The following TENM1 variants were observed in gnomAD, a reference collection of about 807,000 sequenced individuals.
TENM1 encodes teneurin-1.
In TENM1, 35 loss-of-function variants were observed where a neutral mutation model predicts 174.8. The ratio of observed to expected loss-of-function variants is 0.20; its 90% CI spans 0.15 to 0.27. The LOEUF is 0.27. TENM1 is among the 10% of genes least tolerant of loss of function. TENM1 has a pLI of 1.00. For synonymous variants in TENM1, 781 were observed against 798.7 expected, an observed-to-expected ratio of 0.98 and a Z score of 0.37; for missense variants, 1,633 against 2,130.1, an observed-to-expected ratio of 0.77 and a Z score of 4.59.
exon 5 of TENM1, chrX:124,705,186 G>A: frequency 8.3e-7 from 1 of 1,210,749 alleles, no homozygotes; most frequent in Non-Finnish European, 1.1e-6. Flanking sequence ...GGATGTCAGA[G>A]GGTAGTTCTG....
At chrX:124,794,921 C>T (rs765219699) in intron 3 of TENM1, among the ~76,000 whole-genome samples, 113 of 111,234 alleles carry the variant, frequency 1.0e-3, no homozygotes, top group African/African-American at 3.4e-3. Context: ...GTCTTCCTGC[C>T]CTCACCATCC....
At chrX:124,650,366 GAC>G (rs1278680525) in intron 8 of TENM1, among the ~76,000 whole-genome samples, 1 of 111,217 alleles carries the variant, frequency 9.0e-6, no homozygotes, top group Non-Finnish European at 1.9e-5. Context: ...AAAGTAAAGA[GAC>G]TGACTTGCAT....
chrX:124,483,655 C>G (rs923642503), intron 21 of TENM1, among the ~76,000 whole-genome samples: 2 of 112,447 alleles, frequency 1.8e-5, no homozygotes, highest in African/African-American at 6.5e-5. Context: ...TATTTGTTTA[C>G]TAATTCATTA....
intron 11 of TENM1, among the ~76,000 whole-genome samples, chrX:124,613,257 T>C (rs2050319518): frequency 9.0e-6 from 1 of 111,505 alleles, no homozygotes; most frequent in Non-Finnish European, 1.9e-5. Context: ...AAACTTCCCC[T>C]GTTTTCCAGG....
chrX:125,085,403 C>T, the TENM1 span, among the ~76,000 whole-genome samples: 1 of 110,413 alleles, frequency 9.1e-6, no homozygotes, highest in South Asian at 3.8e-4. Flanking sequence ...TGATGATTTC[C>T]CCTTGGTAAT....
intron 11 of TENM1, among the ~76,000 whole-genome samples, chrX:124,606,116 G>A (rs2050150331): frequency 9.0e-6 from 1 of 111,135 alleles, no homozygotes; most frequent in African/African-American, 3.3e-5. Context: ...GCAAAGTATG[G>A]CCCACAGAGT....
chrX:125,054,327 C>A, the TENM1 span, among the ~76,000 whole-genome samples: 597 of 110,174 alleles, frequency 5.4e-3, 1 homozygote, highest in African/African-American at 0.019. Context: ...TCCCCAGCCA[C>A]GCTTTCTGTA....
chrX:124,918,031 T>A (rs1418333376), intron 1 of TENM1, among the ~76,000 whole-genome samples: 1 of 112,047 alleles, frequency 8.9e-6, no homozygotes, highest in Admixed American at 9.5e-5. Context: ...TTAGCTCAGG[T>A]TAAACAAACA....
intron 3 of TENM1, among the ~76,000 whole-genome samples, chrX:124,811,179 T>G (rs951096193): frequency 2.7e-5 from 3 of 111,402 alleles, no homozygotes; most frequent in African/African-American, 9.8e-5. Context: ...TACATCAAAC[T>G]AAAAAGCTTC....
At chrX:124,504,014 A>G (rs979620732) in intron 18 of TENM1, among the ~76,000 whole-genome samples, 3 of 111,699 alleles carry the variant, frequency 2.7e-5, no homozygotes, top group Non-Finnish European at 3.8e-5. Flanking sequence ...GCTGTGCTGT[A>G]AAACTGAAGA....
At chrX:125,023,981 G>A in the TENM1 span, among the ~76,000 whole-genome samples, 1 of 112,192 alleles carries the variant, frequency 8.9e-6, no homozygotes, top group Non-Finnish European at 1.9e-5. Context: ...ACAAAAAAAT[G>A]CTCAACATCA....
chrX:124,399,850 T>C (rs1398374474), intron 27 of TENM1, among the ~76,000 whole-genome samples: 2 of 111,397 alleles, frequency 1.8e-5, no homozygotes, highest in African/African-American at 6.5e-5. Context: ...CATGCGCCTG[T>C]AGTCCCAGCT....
At chrX:124,570,060 A>G (rs1224084088) in intron 11 of TENM1, among the ~76,000 whole-genome samples, 1 of 111,762 alleles carries the variant, frequency 8.9e-6, no homozygotes, top group Non-Finnish European at 1.9e-5. Flanking sequence ...TAGTACAAAC[A>G]TAAAACATCC....
At chrX:124,982,627 C>A in the TENM1 span, among the ~76,000 whole-genome samples, 1 of 112,085 alleles carries the variant, frequency 8.9e-6, no homozygotes, top group African/African-American at 3.2e-5. Flanking sequence ...AGAATGAAAA[C>A]CTCATATTTA....
At chrX:124,985,059 G>A in the TENM1 span, among the ~76,000 whole-genome samples, 13 of 111,922 alleles carry the variant, frequency 1.2e-4, no homozygotes, top group East Asian at 1.7e-3. Flanking sequence ...CCCTTTCGTC[G>A]TCAACAAAGC....
chrX:124,954,523 C>T (rs1025284056), intron 1 of TENM1, among the ~76,000 whole-genome samples: 2 of 111,555 alleles, frequency 1.8e-5, no homozygotes, highest in Non-Finnish European at 3.8e-5. Context: ...AATATTACCT[C>T]TCTTGTTAGA....
chrX:124,446,036 C>A (rs773598774), intron 23 of TENM1, among the ~76,000 whole-genome samples: 1 of 112,452 alleles, frequency 8.9e-6, no homozygotes, highest in Non-Finnish European at 1.9e-5. Context: ...TGATTTTGAA[C>A]AAATGGATGA....
At chrX:125,059,007 A>T in the TENM1 span, among the ~76,000 whole-genome samples, 20,594 of 109,433 alleles carry the variant, frequency 0.19, 1,479 homozygotes, top group Admixed American at 0.33. Flanking sequence ...ACACACACAC[A>T]CACACAAACT....
the TENM1 span, among the ~76,000 whole-genome samples, chrX:125,014,398 A>G: frequency 7.1e-5 from 8 of 112,936 alleles, no homozygotes; most frequent in African/African-American, 1.9e-4. Flanking sequence ...TGGCTGGTCA[A>G]CTTAGAGGGG....
Sources: gnomAD v4.1 joint callset for allele counts (sites outside exome capture counted in the v4.1 genomes callset) on GRCh38, gnomAD v4.1.1 for gene constraint, MANE v1.5 for transcripts, NCBI Gene and HGNC (gene_info 2026-07-23, HGNC 2026-07-21) for gene names.